The following SUPT3H variants were observed in gnomAD, a reference collection of about 807,000 sequenced individuals.
The protein encoded by SUPT3H is transcription initiation protein SPT3 homolog.
In SUPT3H, 44 loss-of-function variants were observed where a neutral mutation model predicts 44.3. The observed-to-expected ratio is 0.99, with a 90% CI of 0.78 to 1.28. The LOEUF is 1.28. Ranked by LOEUF, SUPT3H falls within the 50% of genes most tolerant of loss-of-function variation. SUPT3H has a pLI of 0.00. For missense variants in SUPT3H, 380 were observed against 387.1 expected (o/e 0.98, Z 0.15); for synonymous variants, 124 against 125.6 (o/e 0.99, Z 0.09).
intron 3 of SUPT3H, among the ~76,000 whole-genome samples, chr6:45,064,217 T>G (rs1050940659): frequency 7.1e-5 from 10 of 140,476 alleles, no homozygotes; most frequent in East Asian, 2.1e-4. Flanking sequence ...CTAAGCTTCA[T>G]AAGTGAAGGA....
At chr6:45,307,442 G>A (rs1783221579) in intron 2 of SUPT3H, among the ~76,000 whole-genome samples, 1 of 152,316 alleles carries the variant, frequency 6.6e-6, no homozygotes, top group South Asian at 2.1e-4. Context: ...CAATCAGACA[G>A]CAACATTTGC....
chr6:44,901,524 G>A (rs1218156370), intron 10 of SUPT3H, among the ~76,000 whole-genome samples: 3 of 152,032 alleles, frequency 2.0e-5, no homozygotes, highest in African/African-American at 7.2e-5. Context: ...GGGACTATGT[G>A]AAAAGACCAA....
At chr6:45,337,982 T>C (rs1360099887) in intron 2 of SUPT3H, among the ~76,000 whole-genome samples, 1 of 151,996 alleles carries the variant, frequency 6.6e-6, no homozygotes. Flanking sequence ...TAAATGCTTC[T>C]TTCATACTCT....
At chr6:44,915,431 A>G (rs1486478287) in intron 10 of SUPT3H, among the ~76,000 whole-genome samples, 1 of 152,208 alleles carries the variant, frequency 6.6e-6, no homozygotes, top group Non-Finnish European at 1.5e-5. Context: ...ACTAGTTACC[A>G]TAAACCAAAA....
At chr6:44,890,953 G>C (rs1763212348) in intron 10 of SUPT3H, among the ~76,000 whole-genome samples, 3 of 151,832 alleles carry the variant, frequency 2.0e-5, no homozygotes, top group Non-Finnish European at 4.4e-5. Context: ...ACACAGGAAG[G>C]GGAACATCAC....
At chr6:44,923,201 G>T (rs1261260248) in intron 10 of SUPT3H, among the ~76,000 whole-genome samples, 2 of 152,006 alleles carry the variant, frequency 1.3e-5, no homozygotes, top group Non-Finnish European at 1.5e-5. Context: ...AATTTAAAAA[G>T]ACTTTGAAAT....
intron 2 of SUPT3H, among the ~76,000 whole-genome samples, chr6:45,254,975 T>C (rs1210551023): frequency 6.6e-6 from 1 of 152,258 alleles, no homozygotes; most frequent in Non-Finnish European, 1.5e-5. Flanking sequence ...AGCAGCTATA[T>C]AGTTTATCAG....
At chr6:44,883,230 T>C (rs1778542942) in intron 10 of SUPT3H, among the ~76,000 whole-genome samples, 1 of 151,624 alleles carries the variant, frequency 6.6e-6, no homozygotes, top group African/African-American at 2.4e-5. Context: ...CAAGCATTCC[T>C]ATACACAAAC....
At chr6:44,855,734 C>T (rs899565233) in intron 10 of SUPT3H, among the ~76,000 whole-genome samples, 3 of 151,536 alleles carry the variant, frequency 2.0e-5, no homozygotes, top group South Asian at 2.1e-4. Context: ...GCCTTTAGGT[C>T]CCACCCCACC....
chr6:44,977,899 T>C (rs1296876051), intron 6 of SUPT3H, among the ~76,000 whole-genome samples: 29 of 152,292 alleles, frequency 1.9e-4, no homozygotes, highest in Non-Finnish European at 1.5e-5. Flanking sequence ...TTTATAGAAT[T>C]GAAACCCTCA....
chr6:45,289,631 A>C (rs1299629715), intron 2 of SUPT3H, among the ~76,000 whole-genome samples: 3 of 152,208 alleles, frequency 2.0e-5, no homozygotes, highest in Non-Finnish European at 4.4e-5. Flanking sequence ...ATATTAACAC[A>C]TAGGCTTTTT....
chr6:45,353,823 A>C (rs772931987), intron 2 of SUPT3H, among the ~76,000 whole-genome samples: 9 of 151,986 alleles, frequency 5.9e-5, no homozygotes, highest in Non-Finnish European at 1.3e-4. Flanking sequence ...GGCAACCACG[A>C]GATTTAGGTG....
chr6:44,972,288 A>G (rs1013697587), intron 6 of SUPT3H, among the ~76,000 whole-genome samples: 2 of 152,188 alleles, frequency 1.3e-5, no homozygotes, highest in Non-Finnish European at 2.9e-5. Context: ...CAGGCCCCAC[A>G]TAAGTCCAAA....
At chr6:44,968,080 A>G (rs1486077856) in intron 6 of SUPT3H, among the ~76,000 whole-genome samples, 1 of 152,158 alleles carries the variant, frequency 6.6e-6, no homozygotes, top group African/African-American at 2.4e-5. Flanking sequence ...GGCATGAGCC[A>G]CTGCACCTGG....
chr6:44,972,801 G>T (rs1165043806), intron 6 of SUPT3H, among the ~76,000 whole-genome samples: 1 of 152,288 alleles, frequency 6.6e-6, no homozygotes, highest in East Asian at 1.9e-4. Context: ...CTTGGGACTT[G>T]CACCCTCTGA....
intron 2 of SUPT3H, among the ~76,000 whole-genome samples, chr6:45,140,805 C>T (rs1273814177): frequency 1.3e-5 from 2 of 152,142 alleles, no homozygotes; most frequent in African/African-American, 4.8e-5. Flanking sequence ...AGAGCAGTAA[C>T]AGTCGCTACA....
chr6:44,925,469 C>T (rs1227408611), intron 10 of SUPT3H, among the ~76,000 whole-genome samples: 3 of 152,164 alleles, frequency 2.0e-5, no homozygotes, highest in Non-Finnish European at 2.9e-5. Flanking sequence ...CATTTTTCTA[C>T]TGTGAATATC....
intron 2 of SUPT3H, among the ~76,000 whole-genome samples, chr6:45,314,847 A>AG (rs1239930470): frequency 1.1e-4 from 17 of 152,184 alleles, no homozygotes; most frequent in Admixed American, 2.0e-4. Flanking sequence ...CTAAGCAAAA[A>AG]GAACAAATCT....
intron 6 of SUPT3H, among the ~76,000 whole-genome samples, chr6:44,982,951 G>A (rs1029512028): frequency 1.3e-5 from 2 of 152,104 alleles, no homozygotes; most frequent in Admixed American, 1.3e-4. Context: ...AAAGAACTTT[G>A]CAAAAGGTAC....
Sources: gnomAD v4.1 joint callset for allele counts (sites outside exome capture counted in the v4.1 genomes callset) on GRCh38, gnomAD v4.1.1 for gene constraint, MANE v1.5 for transcripts, NCBI Gene and HGNC (gene_info 2026-07-23, HGNC 2026-07-21) for gene names.